Variants in OMA1 observed in about 807,000 individuals in gnomAD.
OMA1 encodes OMA1 zinc metallopeptidase.
In OMA1, 38 loss-of-function variants were observed where a neutral mutation model predicts 30.9. The ratio of observed to expected loss-of-function variants is 1.23; its 90% CI spans 0.95 to 1.61. OMA1 has a LOEUF of 1.61. OMA1 is among the 40% of genes most tolerant of loss of function. The pLI is 0.00. For missense variants in OMA1, 461 were observed against 349.2 expected, an observed-to-expected ratio of 1.32 and a Z score of -2.55; for synonymous variants, 173 against 121.9, an observed-to-expected ratio of 1.42 and a Z score of -2.76.
intron 7 of OMA1, among the ~76,000 whole-genome samples, chr1:58,524,014 T>C (rs1489939189): frequency 1.3e-5 from 2 of 152,206 alleles, no homozygotes; most frequent in Non-Finnish European, 2.9e-5. Context: ...GCAGGCCTTT[T>C]TGCTTTACAA....
At chr1:58,510,483 TA>T (rs2100425914) in intron 7 of OMA1, among the ~76,000 whole-genome samples, 1 of 152,162 alleles carries the variant, frequency 6.6e-6, no homozygotes, top group South Asian at 2.1e-4. Context: ...TCGACATAAT[TA>T]TAGCTATATA....
intron 8 of OMA1, among the ~76,000 whole-genome samples, chr1:58,489,238 C>T (rs1645631765): frequency 6.6e-6 from 1 of 152,172 alleles, no homozygotes; most frequent in South Asian, 2.1e-4. Context: ...TGGGTCACTC[C>T]CACCCTAATA....
chr1:58,541,614 CAAAA>C (rs60360589), intron 1 of OMA1: 1 of 65,622 alleles, frequency 1.5e-5, no homozygotes, highest in Non-Finnish European at 2.7e-5. Context: ...GAGAACCTGT[CAAAA>C]AAAAAAAAAA....
chr1:58,494,861 C>T (rs1487719167), intron 8 of OMA1, among the ~76,000 whole-genome samples: 2 of 152,116 alleles, frequency 1.3e-5, no homozygotes, highest in Admixed American at 6.5e-5. Flanking sequence ...GTCAGTGTGG[C>T]GATTCCTCAG....
chr1:58,491,938 C>T (rs1223879381), intron 8 of OMA1, among the ~76,000 whole-genome samples: 1 of 151,752 alleles, frequency 6.6e-6, no homozygotes, highest in Non-Finnish European at 1.5e-5. Context: ...ACAGAACTCT[C>T]CACCCCAAAT....
At chr1:58,542,043 T>C (rs1646631716) in intron 1 of OMA1, among the ~76,000 whole-genome samples, 1 of 152,240 alleles carries the variant, frequency 6.6e-6, no homozygotes. Context: ...ATTATCTATA[T>C]ATCAAACCAT....
intron 7 of OMA1, among the ~76,000 whole-genome samples, chr1:58,526,028 C>A (rs1260002986): frequency 6.6e-6 from 1 of 152,004 alleles, no homozygotes; most frequent in African/African-American, 2.4e-5. Context: ...CCCTCTTCCT[C>A]ATATTATATA....
chr1:58,542,918 G>T (rs1338298240), intron 1 of OMA1, among the ~76,000 whole-genome samples: 2 of 152,102 alleles, frequency 1.3e-5, no homozygotes, highest in African/African-American at 4.8e-5. Flanking sequence ...GCATGTGTAA[G>T]TTGGGTCTAC....
At chr1:58,511,196 G>C (rs1646071491) in intron 7 of OMA1, among the ~76,000 whole-genome samples, 1 of 152,138 alleles carries the variant, frequency 6.6e-6, no homozygotes, top group Admixed American at 6.5e-5. Context: ...AGTAAGACTA[G>C]AGGCATCATG....
At chr1:58,487,727 G>A (rs911733670) in intron 8 of OMA1, among the ~76,000 whole-genome samples, 1 of 152,022 alleles carries the variant, frequency 6.6e-6, no homozygotes, top group East Asian at 1.9e-4. Context: ...AGTAATTTGA[G>A]AAGCTTCATT....
chr1:58,502,382 A>C (rs1645920749), intron 8 of OMA1, among the ~76,000 whole-genome samples: 1 of 152,078 alleles, frequency 6.6e-6, no homozygotes, highest in African/African-American at 2.4e-5. Flanking sequence ...TTCTCTAATC[A>C]CTTCCTACGT....
At chr1:58,493,886 A>C (rs199842507) in intron 8 of OMA1, among the ~76,000 whole-genome samples, 5 of 150,734 alleles carry the variant, frequency 3.3e-5, no homozygotes, top group Admixed American at 3.3e-4. Flanking sequence ...CAAGCTACCA[A>C]TGACTTTCTT....
At chr1:58,521,738 A>C (rs544564098) in intron 7 of OMA1, among the ~76,000 whole-genome samples, 1 of 152,206 alleles carries the variant, frequency 6.6e-6, no homozygotes, top group Non-Finnish European at 1.5e-5. Flanking sequence ...GAATAGTTCT[A>C]TATCTATTAA....
chr1:58,481,867 C>T (rs1050628396), intron 8 of OMA1, among the ~76,000 whole-genome samples: 1 of 152,214 alleles, frequency 6.6e-6, no homozygotes, highest in Admixed American at 6.5e-5. Context: ...TCGCCTTCCA[C>T]CATGATTGTG....
chr1:58,515,569 TC>T (rs1174498027), intron 7 of OMA1, among the ~76,000 whole-genome samples: 2 of 152,158 alleles, frequency 1.3e-5, no homozygotes, highest in Non-Finnish European at 2.9e-5. Context: ...AAAATTAAGT[TC>T]CAAATAATGT....
rs187530549 is a variant in OMA1, at chr1:58,524,053, T to C, written c.1215+3208A>G. Among the ~76,000 whole-genome samples, 1,212 of 152,360 alleles carry C rather than the reference T, an allele frequency of 8.0e-3. 9 individuals are homozygous for C. Among genetic ancestry groups the C allele is most frequent in the Non-Finnish European group, 0.013 (884 of 68,034 alleles). ...AAAGACTGGCAGCTGGTATTATCTT[T>C]TTCCTTAGAGGCTCAGGGGTTACCA... On this transcript the variant is annotated intron_variant, in intron 7 of 8. Transcript: ENST00000371226.
chr1:58,502,797 T>A (rs1034945538), intron 8 of OMA1, among the ~76,000 whole-genome samples: 1 of 152,220 alleles, frequency 6.6e-6, no homozygotes, highest in Admixed American at 6.5e-5. Context: ...AACCACTGAG[T>A]TATTCCCAAT....
At chr1:58,483,384 G>C in intron 8 of OMA1, among the ~76,000 whole-genome samples, 1 of 152,156 alleles carries the variant, frequency 6.6e-6, no homozygotes, top group African/African-American at 2.4e-5. Context: ...AGTCAGATGC[G>C]AGCCAGATAG....
intron 1 of OMA1, among the ~76,000 whole-genome samples, chr1:58,540,313 C>G (rs1646586849): frequency 6.6e-6 from 1 of 151,312 alleles, no homozygotes; most frequent in Non-Finnish European, 1.5e-5. Context: ...GGTATTAGGA[C>G]ACAAAACTAT....
Sources: gnomAD v4.1 joint callset for allele counts (sites outside exome capture counted in the v4.1 genomes callset) on GRCh38, gnomAD v4.1.1 for gene constraint, MANE v1.5 for transcripts, NCBI Gene and HGNC (gene_info 2026-07-23, HGNC 2026-07-21) for gene names.